DLC1: variants seen among roughly 807,000 people sequenced by gnomAD.
The protein encoded by DLC1 is DLC1 Rho GTPase activating protein, also known as rho GTPase-activating protein 7.
In DLC1, 54 loss-of-function variants were observed where a neutral mutation model predicts 140.3. The ratio of observed to expected loss-of-function variants is 0.38; its 90% confidence interval spans 0.31 to 0.48. The LOEUF (loss-of-function observed/expected upper bound fraction) is 0.48. Ranked by LOEUF, DLC1 falls within the 20% of genes least tolerant of loss-of-function variation. The pLI is 0.96. For missense variants in DLC1, 2,536 were observed against 1,907.0 expected (o/e 1.33, Z -6.14); for synonymous variants, 986 against 728.1 (o/e 1.35, Z -5.70).
intron 4 of DLC1, among the ~76,000 whole-genome samples, chr8:13,372,454 CCAAA>C (rs1366088123): frequency 6.6e-6 from 1 of 152,104 alleles, no homozygotes; most frequent in Non-Finnish European, 1.5e-5. Context: ...AAGAAAATGT[CCAAA>C]CAAATTCTTC....
intron 1 of DLC1, among the ~76,000 whole-genome samples, chr8:13,570,921 CTT>C (rs1804631215): frequency 6.6e-6 from 1 of 152,080 alleles, no homozygotes; most frequent in East Asian, 1.9e-4. Flanking sequence ...AGGGTTAACT[CTT>C]TACTTGCTGG....
chr8:13,504,337 C>T (rs1801956210), intron 1 of DLC1, among the ~76,000 whole-genome samples: 1 of 152,092 alleles, frequency 6.6e-6, no homozygotes, highest in Admixed American at 6.6e-5. Flanking sequence ...GTTGGTGAGG[C>T]TGATCTCAAA....
chr8:13,362,643 A>G (rs370942264), intron 4 of DLC1, among the ~76,000 whole-genome samples: 1 of 152,062 alleles, frequency 6.6e-6, no homozygotes. Flanking sequence ...CTAAAACAAA[A>G]CTATAAACAA....
intron 5 of DLC1, among the ~76,000 whole-genome samples, chr8:13,180,028 C>A (rs1245412826): frequency 6.6e-6 from 1 of 152,094 alleles, no homozygotes; most frequent in Non-Finnish European, 1.5e-5. Context: ...TCAGTGGTTG[C>A]TCTAGACGTA....
intron 4 of DLC1, among the ~76,000 whole-genome samples, chr8:13,367,154 T>G (rs920694791): frequency 2.0e-5 from 3 of 152,186 alleles, no homozygotes; most frequent in Non-Finnish European, 4.4e-5. Flanking sequence ...TTTCTAATTT[T>G]GGGTTTCTAC....
chr8:13,526,879 A>G (rs1021241999), intron 1 of DLC1, among the ~76,000 whole-genome samples: 3 of 152,206 alleles, frequency 2.0e-5, no homozygotes, highest in Non-Finnish European at 2.9e-5. Context: ...TATGTAACAA[A>G]CCTGCACGTT....
intron 5 of DLC1, among the ~76,000 whole-genome samples, chr8:13,163,309 C>T (rs1585812108): frequency 2.0e-5 from 3 of 152,254 alleles, no homozygotes; most frequent in South Asian, 2.1e-4. Context: ...ATTGCATGCT[C>T]AGCTGATCAA....
At chr8:13,359,462 A>G (rs1002448081) in intron 4 of DLC1, among the ~76,000 whole-genome samples, 1 of 152,108 alleles carries the variant, frequency 6.6e-6, no homozygotes, top group Non-Finnish European at 1.5e-5. Context: ...AATAATATGC[A>G]CCTGCGGCTC....
chr8:13,118,734 A>G (rs749423388), intron 5 of DLC1, among the ~76,000 whole-genome samples: 1 of 152,154 alleles, frequency 6.6e-6, no homozygotes, highest in Non-Finnish European at 1.5e-5. Flanking sequence ...ATGAACCTAT[A>G]TCTACATGCG....
At chr8:13,515,257 A>G (rs1357737262), upstream of DLC1, among the ~76,000 whole-genome samples, 1 of 152,174 alleles carries the variant, frequency 6.6e-6, no homozygotes, top group East Asian at 1.9e-4. Context: ...TAATACCATA[A>G]TTCTTCTAAA....
intron 5 of DLC1, among the ~76,000 whole-genome samples, chr8:13,196,129 C>CACACACAT (rs1554467535): frequency 4.0e-5 from 6 of 149,902 alleles, no homozygotes; most frequent in African/African-American, 1.5e-4. Context: ...CACACACACA[C>CACACACAT]GTGAACTCGA....
At chr8:13,279,879 A>G (rs1477399383) in intron 5 of DLC1, among the ~76,000 whole-genome samples, 1 of 152,126 alleles carries the variant, frequency 6.6e-6, no homozygotes, top group Non-Finnish European at 1.5e-5. Flanking sequence ...TATGACTCTG[A>G]GAGGTGAGAA....
At chr8:13,143,840 G>GAGAGAGAGAGAGAGAGAGAGAC (rs1554584099) in intron 5 of DLC1, among the ~76,000 whole-genome samples, 1 of 145,492 alleles carries the variant, frequency 6.9e-6, no homozygotes, top group Non-Finnish European at 1.5e-5. Context: ...GAGAGAGAGA[G>GAGAGAGAGAGAGAGAGAGAGAC]AGAGAGAGAG....
rs181878729 is a variant in DLC1, at chr8:13,201,813, A to G, written c.1349-86156T>C. ...TTTTTTTCAAACATTTATTTATTTT[A>G]TGTTCAGGGGTATATACATGCCGGT... On this transcript the variant is annotated intron_variant, in intron 5 of 17. Transcript: ENST00000276297. 8.5e-4 allele frequency among the ~76,000 whole-genome samples: 127 copies of G among 149,842 alleles called. No individual in the cohort carries two copies. The Middle Eastern group carries it at 0.014, about 16-fold the overall frequency.
At chr8:13,202,323 G>A (rs1045176373) in intron 5 of DLC1, among the ~76,000 whole-genome samples, 1 of 152,096 alleles carries the variant, frequency 6.6e-6, no homozygotes, top group African/African-American at 2.4e-5. Flanking sequence ...TATTTACAGG[G>A]TACAGTGTGA....
At position 13,228,957 on chromosome 8, in the gene DLC1, G is replaced by A. The variant is rs189807556; in HGVS notation, c.1348+76312C>T. On this transcript the variant is annotated intron_variant, in intron 5 of 17. Coordinates refer to ENST00000276297, the MANE Select transcript of DLC1 (RefSeq NM_182643.3). ...TTATAACAAGTGTTGGTAAGGATGT[G>A]GAGGGATTGGAACCCTCATGCGTTG... 2.0e-5 allele frequency among the ~76,000 whole-genome samples: 3 copies of A among 152,288 alleles called. No homozygotes were observed. In the East Asian group the frequency reaches 5.8e-4, roughly 29 times the overall value.
chr8:13,562,679 A>T (rs576392949), intron 1 of DLC1, among the ~76,000 whole-genome samples: 1 of 152,162 alleles, frequency 6.6e-6, no homozygotes, highest in Non-Finnish European at 1.5e-5. Flanking sequence ...AAAACTACAT[A>T]TGTCTTCATC....
At chr8:13,590,997 T>A (rs1210439804) in intron 1 of DLC1, among the ~76,000 whole-genome samples, 5 of 152,008 alleles carry the variant, frequency 3.3e-5, no homozygotes, top group Admixed American at 6.6e-5. Flanking sequence ...CAGGCAGCAA[T>A]AACATGGAGG....
chr8:13,366,171 C>A (rs1380788086), intron 4 of DLC1, among the ~76,000 whole-genome samples: 1 of 152,190 alleles, frequency 6.6e-6, no homozygotes, highest in Non-Finnish European at 1.5e-5. Flanking sequence ...TCCTCCTAGT[C>A]CTGGAATTCC....
Sources: allele counts gnomAD v4.1 joint callset (sites outside exome capture counted in the v4.1 genomes callset), GRCh38; gene constraint gnomAD v4.1.1; transcripts MANE v1.5; gene names NCBI Gene and HGNC (gene_info 2026-07-23, HGNC 2026-07-21).